NPSR1: variants seen among roughly 807,000 people sequenced by gnomAD.
NPSR1 encodes neuropeptide S receptor.
NPSR1 carries 48 observed loss-of-function variants against 46.9 expected under a neutral mutation model. The observed-to-expected ratio is 1.02, with a 90% CI of 0.81 to 1.30. The LOEUF (loss-of-function observed/expected upper bound fraction) is 1.30, where lower values mean the gene tolerates loss of function less well. NPSR1 is among the 50% of genes most tolerant of loss of function. The probability of loss-of-function intolerance (pLI) is 0.00; values close to 1 mark genes in which losing one functional copy is unlikely to be tolerated. For missense variants in NPSR1, 450 were observed against 449.5 expected, an observed-to-expected ratio of 1.00 and a Z score of -0.01; for synonymous variants, 176 against 168.1, an observed-to-expected ratio of 1.05 and a Z score of -0.36.
chr7:34,682,076 C>A (rs1181707491), intron 1 of NPSR1, among the ~76,000 whole-genome samples: 2 of 152,236 alleles, frequency 1.3e-5, no homozygotes, highest in South Asian at 2.1e-4. Context: ...TTTCCAAAGG[C>A]CTCTGCCATG....
intron 3 of NPSR1, among the ~76,000 whole-genome samples, chr7:34,780,932 G>T (rs115987851): frequency 2.5e-3 from 374 of 152,224 alleles, no homozygotes; most frequent in African/African-American, 8.6e-3. Flanking sequence ...TATGACAAAG[G>T]TATTGGATAA....
chr7:34,739,811 A>AG (rs1213620652), intron 2 of NPSR1, among the ~76,000 whole-genome samples: 1 of 152,130 alleles, frequency 6.6e-6, no homozygotes, highest in African/African-American at 2.4e-5. Flanking sequence ...TGCAGGTGGC[A>AG]GGGGGGTGAA....
chr7:34,660,758 G>A (rs183304809), intron 1 of NPSR1, among the ~76,000 whole-genome samples: 5 of 152,108 alleles, frequency 3.3e-5, no homozygotes, highest in Admixed American at 2.0e-4. Flanking sequence ...CTTTCCTTCC[G>A]GTCCTGCCTT....
At chr7:34,658,649 A>T in intron 1 of NPSR1, 90 bp downstream of exon 1, 1 of 1,232,880 alleles carries the variant, frequency 8.1e-7, no homozygotes, top group Non-Finnish European at 1.2e-6. Context: ...CATAGCCAGT[A>T]TTGTGAATGA....
chr7:34,868,844 A>G (rs1791384121), intron 8 of NPSR1, among the ~76,000 whole-genome samples: 1 of 151,554 alleles, frequency 6.6e-6, no homozygotes, highest in African/African-American at 2.4e-5. Flanking sequence ...AATATAACAC[A>G]GATGGAGAAA....
intron 6 of NPSR1, among the ~76,000 whole-genome samples, chr7:34,836,639 A>AAGAGAG: frequency 6.6e-6 from 1 of 151,348 alleles, no homozygotes; most frequent in Non-Finnish European, 1.5e-5. Context: ...GAAAGAAAGA[A>AAGAGAG]AGAAAGAGAA....
At position 34,696,094 on chromosome 7, in the gene NPSR1, A is replaced by C. The variant is rs1039046512; in HGVS notation, c.280+11410A>C. ...TTGATTTGATAAAAAAAAAAAAAAAAAAAACTGCGGTATATATACACCATA... is the reference window on the plus strand; with the variant it reads ...TTGATTTGATAAAAAAAAAAAAAAACAAAACTGCGGTATATATACACCATA... On this transcript the variant is annotated intron_variant, in intron 2 of 8. Coordinates refer to ENST00000360581, the MANE Select transcript of NPSR1 (RefSeq NM_207172.2). Among the ~76,000 whole-genome samples, 11 of 151,938 alleles carry C rather than the reference A, an allele frequency of 7.2e-5. No individual in the cohort carries two copies. In the South Asian group the frequency reaches 8.3e-4, roughly 11 times the overall value.
chr7:34,870,558 AT>A (rs1238303057), intron 8 of NPSR1, among the ~76,000 whole-genome samples: 1 of 151,754 alleles, frequency 6.6e-6, no homozygotes, highest in Admixed American at 6.5e-5. Context: ...CACAATGTGA[AT>A]GCCTTATGTA....
intron 1 of NPSR1, among the ~76,000 whole-genome samples, chr7:34,659,616 G>A (rs1230312766): frequency 6.6e-6 from 1 of 152,154 alleles, no homozygotes. Context: ...GGGCCCTAAT[G>A]ATCCTGCAGC....
intron 2 of NPSR1, among the ~76,000 whole-genome samples, chr7:34,731,613 C>T (rs1481466320): frequency 1.3e-5 from 2 of 152,102 alleles, no homozygotes; most frequent in Non-Finnish European, 2.9e-5. Flanking sequence ...ATCGCTGGCT[C>T]CTAGAGAGTG....
intron 2 of NPSR1, chr7:34,711,411 T>A (rs752381327): frequency 6.6e-6 from 1 of 152,314 alleles, no homozygotes. Context: ...GAAAAACCAC[T>A]CATTTTATAG....
chr7:34,789,421 A>G (rs960933849), intron 3 of NPSR1, among the ~76,000 whole-genome samples: 5 of 152,098 alleles, frequency 3.3e-5, no homozygotes, highest in Non-Finnish European at 7.4e-5. Context: ...AGAAAACTCA[A>G]ATAAAATTAG....
chr7:34,727,580 TC>T (rs1784222352), intron 2 of NPSR1, among the ~76,000 whole-genome samples: 1 of 152,236 alleles, frequency 6.6e-6, no homozygotes, highest in Non-Finnish European at 1.5e-5. Context: ...ACTTTTGTCA[TC>T]CGGTGCTGAT....
intron 3 of NPSR1, among the ~76,000 whole-genome samples, chr7:34,798,015 A>G (rs34540485): frequency 0.074 from 11,262 of 152,250 alleles, 505 homozygotes; most frequent in East Asian, 0.12. Flanking sequence ...TTTTCTTACA[A>G]AAAATGCTAA....
At chr7:34,668,832 C>T (rs1457268878) in intron 1 of NPSR1, among the ~76,000 whole-genome samples, 1 of 152,178 alleles carries the variant, frequency 6.6e-6, no homozygotes, top group Non-Finnish European at 1.5e-5. Flanking sequence ...ATGACTTCCA[C>T]TCACTATTCA....
At chr7:34,829,521 AGCAACTGAG>A (rs1790019689) in intron 5 of NPSR1, among the ~76,000 whole-genome samples, 1 of 152,192 alleles carries the variant, frequency 6.6e-6, no homozygotes, top group Non-Finnish European at 1.5e-5. Context: ...TGTCATCCTG[AGCAACTGAG>A]GCATCGATTT....
At chr7:34,711,053 G>A in intron 2 of NPSR1, 1 of 340,818 alleles carries the variant, frequency 2.9e-6, no homozygotes. Flanking sequence ...AGATATCAAT[G>A]ATGTGAGCCC....
intron 5 of NPSR1, among the ~76,000 whole-genome samples, chr7:34,832,806 A>T (rs938424420): frequency 6.6e-6 from 1 of 152,234 alleles, no homozygotes; most frequent in African/African-American, 2.4e-5. Flanking sequence ...TGCAATTGAC[A>T]TAACCATTAA....
At chr7:34,792,645 A>ATATATGTATATATATATT (rs1584035118) in intron 3 of NPSR1, among the ~76,000 whole-genome samples, 1 of 121,412 alleles carries the variant, frequency 8.2e-6, no homozygotes. Context: ...GTATGTGTAT[A>ATATATGTATATATATATT]TATATATGTA....
Sources: allele counts gnomAD v4.1 joint callset (sites outside exome capture counted in the v4.1 genomes callset), GRCh38; gene constraint gnomAD v4.1.1; transcripts MANE v1.5; gene names NCBI Gene and HGNC (gene_info 2026-07-23, HGNC 2026-07-21).